Variants in NEK11 observed in about 807,000 individuals in gnomAD.
NEK11 encodes the protein serine/threonine-protein kinase Nek11.
In NEK11, 72 loss-of-function variants were observed where a neutral mutation model predicts 80.7. The observed-to-expected ratio is 0.89, with a 90% CI of 0.74 to 1.08. The LOEUF is 1.08. Ranked by LOEUF, NEK11 falls within the 50% of genes least tolerant of loss-of-function variation. NEK11 has a pLI of 0.00. For missense variants in NEK11, 764 were observed against 763.6 expected (o/e 1.00, Z -0.01); for synonymous variants, 251 against 260.7 (o/e 0.96, Z 0.36).
At chr3:131,085,200 C>G (rs2075812162) in intron 4 of NEK11, among the ~76,000 whole-genome samples, 2 of 152,196 alleles carry the variant, frequency 1.3e-5, no homozygotes, top group African/African-American at 4.8e-5. Context: ...TGCTGGCTAA[C>G]CTGAGATGAG....
intron 14 of NEK11, among the ~76,000 whole-genome samples, chr3:131,196,707 A>G (rs781642518): frequency 9.2e-5 from 14 of 151,846 alleles, no homozygotes; most frequent in Non-Finnish European, 1.8e-4. Context: ...TAATTTTTGT[A>G]TTTTTAGTAG....
chr3:131,098,365 G>A (rs1045763960), intron 4 of NEK11, among the ~76,000 whole-genome samples: 1 of 152,018 alleles, frequency 6.6e-6, no homozygotes, highest in African/African-American at 2.4e-5. Context: ...AAAGTGAACA[G>A]GCAACCTACA....
At chr3:131,139,453 A>G (rs2086382509) in intron 7 of NEK11, among the ~76,000 whole-genome samples, 1 of 152,114 alleles carries the variant, frequency 6.6e-6, no homozygotes, top group African/African-American at 2.4e-5. Flanking sequence ...AAGTGGAGAA[A>G]CAAATAGGAG....
At chr3:131,214,547 G>A (rs1317252698) in intron 14 of NEK11, among the ~76,000 whole-genome samples, 1 of 152,130 alleles carries the variant, frequency 6.6e-6, no homozygotes, top group Non-Finnish European at 1.5e-5. Flanking sequence ...CTCTAAAGCA[G>A]GAAAGAAAAG....
At chr3:131,194,959 G>GA (rs1356742650) in intron 14 of NEK11, among the ~76,000 whole-genome samples, 1 of 152,080 alleles carries the variant, frequency 6.6e-6, no homozygotes, top group African/African-American at 2.4e-5. Flanking sequence ...CTATAACATG[G>GA]ATTCTGAGGT....
intron 3 of NEK11, among the ~76,000 whole-genome samples, chr3:131,075,534 CCTTTA>C (rs1577893921): frequency 6.6e-6 from 1 of 151,890 alleles, no homozygotes; most frequent in African/African-American, 2.4e-5. Context: ...TTTTCATGCC[CCTTTA>C]CTTTTAAAAG....
intron 14 of NEK11, among the ~76,000 whole-genome samples, chr3:131,214,052 G>A (rs2094727976): frequency 6.6e-6 from 1 of 152,164 alleles, no homozygotes; most frequent in South Asian, 2.1e-4. Context: ...CAGGAAGGGA[G>A]CCTTCAACCA....
chr3:131,156,795 C>A (rs192073524), intron 10 of NEK11, among the ~76,000 whole-genome samples: 26 of 152,240 alleles, frequency 1.7e-4, no homozygotes, highest in East Asian at 3.9e-4. Context: ...TGCTTACAAG[C>A]ATGGGGTTAT....
At chr3:131,336,249 T>C (rs2097181876) in intron 17 of NEK11, among the ~76,000 whole-genome samples, 2 of 152,188 alleles carry the variant, frequency 1.3e-5, no homozygotes, top group South Asian at 4.1e-4. Context: ...CAAAACAGCA[T>C]GGTACTGGTA....
chr3:131,067,543 A>G (rs913429030), intron 3 of NEK11, among the ~76,000 whole-genome samples: 1 of 152,210 alleles, frequency 6.6e-6, no homozygotes, highest in African/African-American at 2.4e-5. Flanking sequence ...CATCAACAAC[A>G]GCAATAGTAC....
At chr3:131,320,577 C>G (rs369539423) in intron 17 of NEK11, among the ~76,000 whole-genome samples, 1 of 151,932 alleles carries the variant, frequency 6.6e-6, no homozygotes, top group African/African-American at 2.4e-5. Context: ...GATGGTAACT[C>G]CTTCTACAGT....
chr3:131,051,527 G>A (rs2068413770), intron 3 of NEK11, among the ~76,000 whole-genome samples: 1 of 152,106 alleles, frequency 6.6e-6, no homozygotes. Flanking sequence ...ATGGAATGAA[G>A]GCTAAATGTT....
chr3:131,108,564 A>G (rs1469177773), intron 4 of NEK11, among the ~76,000 whole-genome samples: 1 of 152,134 alleles, frequency 6.6e-6, no homozygotes, highest in Non-Finnish European at 1.5e-5. Flanking sequence ...TTAGCATTTG[A>G]CATTTTTATT....
chr3:131,150,200 T>C (rs1030744529), intron 7 of NEK11, among the ~76,000 whole-genome samples: 2 of 152,074 alleles, frequency 1.3e-5, no homozygotes, highest in Admixed American at 1.3e-4. Flanking sequence ...ACTTTGAAGA[T>C]TTCAGTCCTT....
intron 5 of NEK11, among the ~76,000 whole-genome samples, chr3:131,124,056 G>A (rs1246664358): frequency 6.6e-6 from 1 of 152,072 alleles, no homozygotes; most frequent in East Asian, 1.9e-4. Context: ...TCTTGTGGTT[G>A]CCAGAATGGC....
At position 131,171,706 on chromosome 3, in the gene NEK11, G is replaced by GT. The variant is rs368671645; in HGVS notation, c.1399+820dup. Among the ~76,000 whole-genome samples, 218 of 152,318 alleles carry GT rather than the reference G, an allele frequency of 1.4e-3. 1 individual carries two copies. The highest frequency in any genetic ancestry group is 5.0e-3 in the African/African-American group (209 of 41,574). On this transcript the variant is annotated intron_variant, in intron 14 of 17. Transcript: ENST00000383366. ...GTCTTAGTTCAGTGCCCAGCACACA[G>GT]TAAGTGCTAAAGAAGGGGAAGCAGT...
At chr3:131,211,993 G>A (rs1477176355) in intron 14 of NEK11, among the ~76,000 whole-genome samples, 1 of 152,144 alleles carries the variant, frequency 6.6e-6, no homozygotes, top group Non-Finnish European at 1.5e-5. Flanking sequence ...TCTCCTTCCA[G>A]CTTTGTTCAG....
chr3:131,168,142 C>T (rs1416680909), intron 12 of NEK11, among the ~76,000 whole-genome samples: 1 of 152,212 alleles, frequency 6.6e-6, no homozygotes, highest in East Asian at 1.9e-4. Context: ...ACATTGTCAG[C>T]ATCCCATCTC....
At chr3:131,253,081 T>C (rs1265343144) in intron 16 of NEK11, among the ~76,000 whole-genome samples, 1 of 152,124 alleles carries the variant, frequency 6.6e-6, no homozygotes, top group Non-Finnish European at 1.5e-5. Context: ...ATCCTCAGCA[T>C]CCACATCAGG....
Sources: allele counts gnomAD v4.1 joint callset (sites outside exome capture counted in the v4.1 genomes callset), GRCh38; gene constraint gnomAD v4.1.1; transcripts MANE v1.5; gene names NCBI Gene and HGNC (gene_info 2026-07-23, HGNC 2026-07-21).